Variants in IGSF21 observed in about 807,000 individuals in gnomAD.
The protein encoded by IGSF21 is immunoglobin superfamily member 21, also known as immunoglobulin superfamily member 21.
A neutral mutation model predicts 46.8 loss-of-function variants in IGSF21; 28 were observed. The ratio of observed to expected loss-of-function variants is 0.60; its 90% CI spans 0.44 to 0.82. IGSF21 has a LOEUF of 0.82. Among genes scored for constraint, IGSF21 ranks in the 40% least tolerant of loss-of-function variants. IGSF21 has a pLI of 0.00. For synonymous variants in IGSF21, 284 were observed against 273.6 expected (o/e 1.04, Z -0.38); for missense variants, 624 against 665.5 (o/e 0.94, Z 0.69).
chr1:18,208,396 T>TATATATATATATATA (rs397732378), intron 1 of IGSF21, among the ~76,000 whole-genome samples: 35 of 102,256 alleles, frequency 3.4e-4, no homozygotes, highest in South Asian at 6.6e-4. Context: ...TATATATATA[T>TATATATATATATATA]TTTTTGAGAC....
intron 1 of IGSF21, among the ~76,000 whole-genome samples, chr1:18,131,115 C>T (rs183161403): frequency 1.7e-4 from 26 of 152,312 alleles, no homozygotes; most frequent in African/African-American, 6.3e-4. Context: ...TGAGAAAAAC[C>T]CCTCCAGAAA....
chr1:18,362,959 A>T (rs2086118065), intron 5 of IGSF21, among the ~76,000 whole-genome samples: 1 of 152,164 alleles, frequency 6.6e-6, no homozygotes, highest in African/African-American at 2.4e-5. Flanking sequence ...TGTTTCTGCA[A>T]GGAAGTTTAG....
Position 18,359,338 on chromosome 1 carries a change from A to AAAAGAAAGAAAG in IGSF21, c.425-2740_425-2729dup, listed in dbSNP as rs1173594584. Among the ~76,000 whole-genome samples the AAAAGAAAGAAAG allele has an allele frequency of 5.7e-3, 200 of 35,334 alleles. 5 individuals are homozygous for AAAAGAAAGAAAG. Among genetic ancestry groups the AAAAGAAAGAAAG allele is most frequent in the Middle Eastern group, 0.016 (1 of 62 alleles). The allele number at this position is 35,334 out of a possible 152,430, so 23.2% of individuals were successfully genotyped here. ...AAAGAGAGAGAGAGAAAGAGAAAGA[A>AAAAGAAAGAAAG]AAAGAAAGAAAGAAAGAAAGAAAGA... is the stretch of plus-strand genomic sequence containing the variant. On this transcript the variant is annotated intron_variant, in intron 4 of 9. Coordinates refer to ENST00000251296, the MANE Select transcript of IGSF21 (RefSeq NM_032880.5).
chr1:18,369,621 C>A (rs1317683984), intron 6 of IGSF21, among the ~76,000 whole-genome samples: 1 of 152,130 alleles, frequency 6.6e-6, no homozygotes, highest in Non-Finnish European at 1.5e-5. Flanking sequence ...ATCAGGGCAC[C>A]CTGCACTCTG....
At chr1:18,183,826 T>C (rs561471477) in intron 1 of IGSF21, among the ~76,000 whole-genome samples, 3 of 152,012 alleles carry the variant, frequency 2.0e-5, no homozygotes, top group Admixed American at 2.0e-4. Flanking sequence ...GCTCTTCTTG[T>C]GAAGGGGGCA....
intron 1 of IGSF21, among the ~76,000 whole-genome samples, chr1:18,139,138 C>T (rs771256158): frequency 8.5e-5 from 13 of 152,188 alleles, no homozygotes; most frequent in Non-Finnish European, 1.5e-4. Context: ...ACTTTTTATT[C>T]TTTTCAATAA....
chr1:18,206,005 A>G (rs2084315784), intron 1 of IGSF21, among the ~76,000 whole-genome samples: 1 of 152,276 alleles, frequency 6.6e-6, no homozygotes, highest in Non-Finnish European at 1.5e-5. Context: ...GACACACTAC[A>G]GTGAACAAAA....
chr1:18,171,574 A>C (rs923115928), intron 1 of IGSF21, among the ~76,000 whole-genome samples: 1 of 152,208 alleles, frequency 6.6e-6, no homozygotes, highest in Non-Finnish European at 1.5e-5. Context: ...TTTCCTCTCC[A>C]AGCCTCAGTT....
chr1:18,255,728 C>T (rs72932935), intron 2 of IGSF21, among the ~76,000 whole-genome samples: 9,819 of 152,166 alleles, frequency 0.065, 328 homozygotes, highest in Middle Eastern at 0.085. Flanking sequence ...ATACCCAGGT[C>T]ATCTTGCTCC....
chr1:18,241,763 G>T lies in IGSF21; in HGVS notation c.183+13753G>T, dbSNP rs1444137887. On this transcript the variant is annotated intron_variant, in intron 2 of 9. Transcript: ENST00000251296. Reference sequence around the variant, plus strand: ...GGTGCTGCGCTAGGTATGTTACAAAGATCACCTCACTGAATCCATACAGGA... The same window carrying T: ...GGTGCTGCGCTAGGTATGTTACAAATATCACCTCACTGAATCCATACAGGA... 2.6e-5 allele frequency among the ~76,000 whole-genome samples: 4 copies of T among 152,324 alleles called. No homozygotes were observed. The East Asian group carries it at 5.8e-4, about 22-fold the overall frequency.
At chr1:18,173,390 T>C (rs11260946) in intron 1 of IGSF21, among the ~76,000 whole-genome samples, 88,101 of 152,104 alleles carry the variant, frequency 0.58, 25,863 homozygotes, top group Middle Eastern at 0.66. Context: ...TTTTGACAAA[T>C]GTATGCAGTT....
At chr1:18,232,746 A>G (rs189056076) in intron 2 of IGSF21, among the ~76,000 whole-genome samples, 1 of 152,362 alleles carries the variant, frequency 6.6e-6, no homozygotes, top group Admixed American at 6.5e-5. Context: ...CTTGACACCT[A>G]GAGCAGAGTC....
At position 18,269,756 on chromosome 1, in the gene IGSF21, A is replaced by G. The variant is rs538874985; in HGVS notation, c.184-22110A>G. Among the ~76,000 whole-genome samples, 47 of 152,278 alleles carry G rather than the reference A, an allele frequency of 3.1e-4. 2 individuals are homozygous for G. The highest frequency in any genetic ancestry group is 9.1e-4 in the African/African-American group (38 of 41,550). Reference sequence around the variant, plus strand: ...AAGGTGAGCCCTTTCTTGCTCTCCAATGGTGATCTCGGACCTTTCTTTCCC... The same window carrying G: ...AAGGTGAGCCCTTTCTTGCTCTCCAGTGGTGATCTCGGACCTTTCTTTCCC... On this transcript the variant is annotated intron_variant, in intron 2 of 9. Transcript: ENST00000251296.
intron 1 of IGSF21, chr1:18,115,699 C>T (rs2086181181): frequency 6.6e-6 from 1 of 151,838 alleles, no homozygotes; most frequent in Non-Finnish European, 1.5e-5. Context: ...CTTCGTGTCC[C>T]CTCTATGTTC....
At chr1:18,127,495 C>A (rs982479330) in intron 1 of IGSF21, among the ~76,000 whole-genome samples, 1 of 151,968 alleles carries the variant, frequency 6.6e-6, no homozygotes, top group Non-Finnish European at 1.5e-5. Flanking sequence ...ATCAGGGCCA[C>A]GTGGAGAACT....
At chr1:18,373,584 GACCCCTCTTCTGCCC>G (rs1414394128) in intron 6 of IGSF21, among the ~76,000 whole-genome samples, 1 of 152,180 alleles carries the variant, frequency 6.6e-6, no homozygotes, top group Non-Finnish European at 1.5e-5. Context: ...GGGAGGACCA[GACCCCTCTTCTGCCC>G]ACCCTCTGTG....
chr1:18,137,805 G>A (rs79625712), intron 1 of IGSF21, among the ~76,000 whole-genome samples: 2,740 of 152,246 alleles, frequency 0.018, 41 homozygotes, highest in Non-Finnish European at 0.028. Flanking sequence ...CTTACTGTGC[G>A]CTGAGAAGTC....
At chr1:18,160,711 A>G (rs536454061) in intron 1 of IGSF21, among the ~76,000 whole-genome samples, 2 of 152,276 alleles carry the variant, frequency 1.3e-5, no homozygotes, top group African/African-American at 4.8e-5. Flanking sequence ...GAACTAAACC[A>G]GCAGCTTCCC....
At chr1:18,143,308 A>G (rs1187509391) in intron 1 of IGSF21, among the ~76,000 whole-genome samples, 1 of 151,902 alleles carries the variant, frequency 6.6e-6, no homozygotes, top group Non-Finnish European at 1.5e-5. Flanking sequence ...GTCCCCTTTC[A>G]GGCCGGGACC....
Sources: allele counts gnomAD v4.1 joint callset (sites outside exome capture counted in the v4.1 genomes callset), GRCh38; gene constraint gnomAD v4.1.1; transcripts MANE v1.5; gene names NCBI Gene and HGNC (gene_info 2026-07-23, HGNC 2026-07-21).